Variants in SLC44A5 observed in about 807,000 individuals in gnomAD.
SLC44A5 encodes choline transporter-like protein 5.
A neutral mutation model predicts 101.8 loss-of-function variants in SLC44A5; 57 were observed. The observed-to-expected ratio is 0.56, with a 90% CI of 0.45 to 0.70. The LOEUF (loss-of-function observed/expected upper bound fraction) is 0.70. SLC44A5 is among the 30% of genes least tolerant of loss of function. The pLI is 0.00. For synonymous variants in SLC44A5, 281 were observed against 290.9 expected, an observed-to-expected ratio of 0.97 and a Z score of 0.35; for missense variants, 737 against 853.1, an observed-to-expected ratio of 0.86 and a Z score of 1.70.
At chr1:75,698,471 A>G in the SLC44A5 span, among the ~76,000 whole-genome samples, 2 of 152,228 alleles carry the variant, frequency 1.3e-5, no homozygotes, top group Admixed American at 6.5e-5. Flanking sequence ...ACTAACAAAC[A>G]GAAAGGGTAT....
chr1:75,209,848 T>A (rs1646818780), intron 23 of SLC44A5, among the ~76,000 whole-genome samples: 1 of 152,134 alleles, frequency 6.6e-6, no homozygotes, highest in Non-Finnish European at 1.5e-5. Flanking sequence ...GTTCTCTGTT[T>A]CTCTTAAGGG....
intron 9 of SLC44A5, among the ~76,000 whole-genome samples, chr1:75,240,064 C>T (rs1328684999): frequency 6.6e-6 from 1 of 151,980 alleles, no homozygotes; most frequent in Non-Finnish European, 1.5e-5. Flanking sequence ...TAATCTCATG[C>T]AATCTGTTAG....
the SLC44A5 span, among the ~76,000 whole-genome samples, chr1:75,661,387 T>TAAAAAAAAAAAAAAAAAAAAAAAAAAAAA: frequency 9.3e-5 from 5 of 53,600 alleles, 1 homozygote; most frequent in African/African-American, 1.7e-4. Context: ...CTACTGCAAG[T>TAAAAAAAAAAAAAAAAAAAAAAAAAAAAA]AAAAAAAAAA....
chr1:75,604,756 G>GGTGT lies in SLC44A5; in HGVS notation c.-70+6280_-70+6283dup, dbSNP rs141120401. 2.2e-3 allele frequency among the ~76,000 whole-genome samples: 194 copies of GGTGT among 86,254 alleles called. 1 individual carries two copies. Among genetic ancestry groups the GGTGT allele is most frequent in the African/African-American group, 5.0e-3 (147 of 29,256 alleles). The allele number at this position is 86,254 out of a possible 152,430, so 56.6% of individuals were successfully genotyped here. On this transcript the variant is annotated intron_variant, in intron 1 of 23. Transcript: ENST00000370859. Reference sequence around the variant, plus strand: ...TCCTTGGTTAGAGGTGAAACCAAGGGGTGTGTGTGTATGTGTGTGTGTACT... The same window carrying GGTGT: ...TCCTTGGTTAGAGGTGAAACCAAGGGGTGTGTGTGTGTGTATGTGTGTGTGTACT...
chr1:75,302,650 T>G (rs1334231189), intron 4 of SLC44A5, among the ~76,000 whole-genome samples: 1 of 152,068 alleles, frequency 6.6e-6, no homozygotes, highest in African/African-American at 2.4e-5. Flanking sequence ...AATGAAGAAG[T>G]TAACAATAAC....
chr1:75,383,637 A>G (rs1661073201), intron 3 of SLC44A5, among the ~76,000 whole-genome samples: 2 of 152,208 alleles, frequency 1.3e-5, no homozygotes, highest in Non-Finnish European at 1.5e-5. Flanking sequence ...ACTCTGCAGG[A>G]TATTATCCAG....
At chr1:75,409,230 A>T (rs1557755609) in intron 2 of SLC44A5, among the ~76,000 whole-genome samples, 1 of 152,194 alleles carries the variant, frequency 6.6e-6, no homozygotes, top group Non-Finnish European at 1.5e-5. Context: ...TGTGCTCACT[A>T]CAGGAAGTCC....
At chr1:75,218,861 T>G in intron 16 of SLC44A5, 109 bp from the exon 17 acceptor site, 1 of 997,834 alleles carries the variant, frequency 1.0e-6, no homozygotes, top group Non-Finnish European at 1.5e-6. Context: ...TGTTTCTCTG[T>G]TAGCTCCTGC....
chr1:75,347,685 A>AGT (rs10677527), intron 3 of SLC44A5, among the ~76,000 whole-genome samples: 124,206 of 148,010 alleles, frequency 0.84, 55,159 homozygotes, highest in Non-Finnish European at 0.98. Flanking sequence ...AGTGGTGGTG[A>AGT]GTGTGTGTGT....
intron 6 of SLC44A5, among the ~76,000 whole-genome samples, chr1:75,267,008 G>C (rs536582348): frequency 6.6e-6 from 1 of 152,276 alleles, no homozygotes; most frequent in South Asian, 2.1e-4. Flanking sequence ...AGCACACTGC[G>C]CCGAACACAA....
chr1:75,233,484 T>A (rs1280338530), intron 12 of SLC44A5, among the ~76,000 whole-genome samples: 1 of 152,116 alleles, frequency 6.6e-6, no homozygotes, highest in Admixed American at 6.6e-5. Context: ...TAATTCTCCA[T>A]ACAAAAGTGT....
At chr1:75,386,201 T>C (rs370240027) in intron 3 of SLC44A5, among the ~76,000 whole-genome samples, 5 of 152,090 alleles carry the variant, frequency 3.3e-5, no homozygotes, top group South Asian at 2.1e-4. Context: ...GTTGGAAGTT[T>C]TGGCCAGGGC....
the SLC44A5 span, chr1:75,677,630 A>G: frequency 2.7e-6 from 1 of 367,156 alleles, no homozygotes; most frequent in Non-Finnish European, 5.2e-6. Flanking sequence ...TAAGTCCTTA[A>G]TTATCAATAA....
chr1:75,616,349 G>A, the SLC44A5 span, among the ~76,000 whole-genome samples: 1 of 152,120 alleles, frequency 6.6e-6, no homozygotes, highest in Non-Finnish European at 1.5e-5. Flanking sequence ...GGTGGCGGCG[G>A]CGGGGAGCTG....
intron 4 of SLC44A5, among the ~76,000 whole-genome samples, chr1:75,302,104 GTTTTTTTGTTTTTTTTTTT>G (rs1248190319): frequency 2.0e-5 from 1 of 49,614 alleles, no homozygotes; most frequent in East Asian, 6.8e-4. Context: ...AGGTGCTCTA[GTTTTTTTGTTTTTTTTTTT>G]TTTTTTTTTT....
chr1:75,496,821 G>T (rs1448697286), intron 2 of SLC44A5, among the ~76,000 whole-genome samples: 1 of 151,914 alleles, frequency 6.6e-6, no homozygotes, highest in Non-Finnish European at 1.5e-5. Context: ...TATGGGCAAA[G>T]GACTTAAATA....
the SLC44A5 span, among the ~76,000 whole-genome samples, chr1:75,652,727 G>A: frequency 6.6e-6 from 1 of 152,180 alleles, no homozygotes; most frequent in Non-Finnish European, 1.5e-5. Flanking sequence ...CCAGGAGTAT[G>A]AGGTTGCAGT....
At chr1:75,699,302 C>T in the SLC44A5 span, among the ~76,000 whole-genome samples, 1 of 152,136 alleles carries the variant, frequency 6.6e-6, no homozygotes. Flanking sequence ...AACAGCGGAT[C>T]TCTCGGCAGA....
At chr1:75,457,991 G>A (rs962028828) in intron 2 of SLC44A5, among the ~76,000 whole-genome samples, 2 of 152,210 alleles carry the variant, frequency 1.3e-5, no homozygotes, top group African/African-American at 4.8e-5. Context: ...CTAAGACACA[G>A]TCCTTACCCT....
Sources: gnomAD v4.1 joint callset for allele counts (sites outside exome capture counted in the v4.1 genomes callset) on GRCh38, gnomAD v4.1.1 for gene constraint, MANE v1.5 for transcripts, NCBI Gene and HGNC (gene_info 2026-07-23, HGNC 2026-07-21) for gene names.